Variants in TRDN observed in about 807,000 individuals in gnomAD.
TRDN encodes triadin, also known as triadin in skeletal muscle.
TRDN carries 161 observed loss-of-function variants against 149.7 expected under a neutral mutation model. That is an observed-to-expected ratio of 1.08 (90% CI 0.95 to 1.23). The LOEUF is 1.23. Ranked by LOEUF, TRDN falls within the 50% of genes most tolerant of loss-of-function variation. The pLI is 0.00. For missense variants in TRDN, 896 were observed against 823.5 expected (o/e 1.09, Z -1.08); for synonymous variants, 294 against 250.5 (o/e 1.17, Z -1.64).
chr6:123,504,000 G>T, intron 7 of TRDN, 99 bp from the exon 8 acceptor site: 1 of 1,310,308 alleles, frequency 7.6e-7, no homozygotes, highest in Non-Finnish European at 1.0e-6. Flanking sequence ...AAGAAAGAGG[G>T]AAGAAAGGTA....
intron 2 of TRDN, among the ~76,000 whole-genome samples, chr6:123,563,340 T>C (rs1782100543): frequency 6.6e-6 from 1 of 152,214 alleles, no homozygotes; most frequent in Non-Finnish European, 1.5e-5. Flanking sequence ...GGGCACTTTA[T>C]ATTTCAAAGC....
intron 1 of TRDN, among the ~76,000 whole-genome samples, chr6:123,591,119 A>G (rs1239032834): frequency 9.2e-5 from 14 of 152,198 alleles, no homozygotes; most frequent in Non-Finnish European, 1.5e-5. Flanking sequence ...TGTGTAGAAA[A>G]CAAATCCATA....
At chr6:123,316,564 G>T in intron 23 of TRDN, 69 bp from the exon 24 acceptor site, 2 of 1,393,934 alleles carry the variant, frequency 1.4e-6, no homozygotes, top group Non-Finnish European at 2.0e-6. Context: ...AAAATAGTCA[G>T]TACAAAGTGG....
intron 32 of TRDN, among the ~76,000 whole-genome samples, chr6:123,266,068 T>C (rs913372306): frequency 7.3e-6 from 1 of 137,250 alleles, no homozygotes; most frequent in African/African-American, 2.7e-5. Context: ...TTTTTGTAGA[T>C]ACATTTTGTG....
chr6:123,516,658 T>G (rs1263054671), intron 5 of TRDN, among the ~76,000 whole-genome samples: 4 of 152,128 alleles, frequency 2.6e-5, no homozygotes, highest in Admixed American at 2.6e-4. Context: ...AGAAACATTC[T>G]ACACTAAATG....
chr6:123,400,926 A>T (rs1208014664), intron 12 of TRDN, among the ~76,000 whole-genome samples: 2 of 152,210 alleles, frequency 1.3e-5, no homozygotes, highest in Non-Finnish European at 2.9e-5. Context: ...ACGTAATAAG[A>T]ATAGTGGAAA....
Position 123,497,205 on chromosome 6 carries a change from C to A in TRDN, c.841G>T (p.Asp281Tyr). 2 of 1,554,282 alleles carry A rather than the reference C, an allele frequency of 1.3e-6. No individual in the cohort carries two copies. Among genetic ancestry groups the A allele is most frequent in the Non-Finnish European group, 1.7e-6 (2 of 1,151,172 alleles). The change falls in exon 9 of 41, where the codon GAT becomes TAT. Residue 281 changes from aspartate to tyrosine, a missense_variant. Coordinates refer to ENST00000334268, the MANE Select transcript of TRDN (RefSeq NM_006073.4). ...RYMIDIFVHGDLKPGQSPAIP... is the reference protein window; with the variant it reads ...RYMIDIFVHGYLKPGQSPAIP... ...TTGCTTGGAATACCTGGTTTTAAATCCCCATGGACAAATATGTCAATCATA... is the reference window on the plus strand; with the variant it reads ...TTGCTTGGAATACCTGGTTTTAAATACCCATGGACAAATATGTCAATCATA...
intron 37 of TRDN, among the ~76,000 whole-genome samples, chr6:123,253,844 G>A (rs1776461743): frequency 6.6e-6 from 1 of 152,058 alleles, no homozygotes; most frequent in South Asian, 2.1e-4. Flanking sequence ...TCCCTTGGGG[G>A]CAAATTGGGA....
At chr6:123,268,753 C>A (rs936373529) in intron 31 of TRDN, among the ~76,000 whole-genome samples, 1 of 151,972 alleles carries the variant, frequency 6.6e-6, no homozygotes, top group Non-Finnish European at 1.5e-5. Flanking sequence ...CAAGAATAAA[C>A]TTCCATGAAC....
chr6:123,561,778 T>C (rs1583248778), intron 2 of TRDN, among the ~76,000 whole-genome samples: 2 of 152,110 alleles, frequency 1.3e-5, no homozygotes, highest in South Asian at 4.1e-4. Context: ...TCCTTCAGCT[T>C]AATCTCTCCC....
intron 5 of TRDN, among the ~76,000 whole-genome samples, chr6:123,525,550 T>C (rs1175842801): frequency 3.9e-5 from 6 of 151,980 alleles, no homozygotes; most frequent in East Asian, 1.9e-4. Flanking sequence ...AATGGGGAGA[T>C]TGGAATGGGA....
At chr6:123,298,659 C>A (rs958244582) in intron 24 of TRDN, among the ~76,000 whole-genome samples, 1 of 152,004 alleles carries the variant, frequency 6.6e-6, no homozygotes, top group African/African-American at 2.4e-5. Flanking sequence ...AAACAAGTGA[C>A]AACACCATAT....
chr6:123,483,071 TA>T (rs1168052028), intron 9 of TRDN, among the ~76,000 whole-genome samples: 1 of 37,136 alleles, frequency 2.7e-5, no homozygotes, highest in African/African-American at 1.4e-4. Flanking sequence ...TCTCATTTAT[TA>T]TTATTATTAT....
intron 24 of TRDN, among the ~76,000 whole-genome samples, chr6:123,312,717 C>T (rs988899340): frequency 5.3e-5 from 8 of 151,958 alleles, no homozygotes; most frequent in African/African-American, 1.7e-4. Context: ...ATTAAGTTTT[C>T]GCTTACTGCT....
chr6:123,392,389 T>C (rs1187866715), intron 13 of TRDN, among the ~76,000 whole-genome samples: 1 of 152,024 alleles, frequency 6.6e-6, no homozygotes, highest in East Asian at 1.9e-4. Context: ...GTTCCACATC[T>C]ACACTATGGT....
chr6:123,411,478 T>C (rs1773440535), intron 12 of TRDN, among the ~76,000 whole-genome samples: 1 of 152,056 alleles, frequency 6.6e-6, no homozygotes, highest in Admixed American at 6.5e-5. Flanking sequence ...TATGACCTAG[T>C]TGGAAAGTTT....
At chr6:123,219,899 C>T (rs1008100788) in intron 40 of TRDN, among the ~76,000 whole-genome samples, 3 of 151,732 alleles carry the variant, frequency 2.0e-5, no homozygotes, top group African/African-American at 7.3e-5. Flanking sequence ...AGTAGAAGGG[C>T]CCATCAATGA....
intron 21 of TRDN, among the ~76,000 whole-genome samples, chr6:123,347,981 C>T (rs950090475): frequency 1.3e-5 from 2 of 152,106 alleles, no homozygotes; most frequent in Middle Eastern, 3.4e-3. Context: ...AAGTTGTAAG[C>T]GCTAACTCCA....
intron 7 of TRDN, among the ~76,000 whole-genome samples, chr6:123,508,849 A>C (rs1779042036): frequency 6.6e-6 from 1 of 152,166 alleles, no homozygotes; most frequent in South Asian, 2.1e-4. Context: ...CACCTTTCAA[A>C]GATACTTTAT....
Sources: allele counts gnomAD v4.1 joint callset (sites outside exome capture counted in the v4.1 genomes callset), GRCh38; gene constraint gnomAD v4.1.1; transcripts MANE v1.5; gene names NCBI Gene and HGNC (gene_info 2026-07-23, HGNC 2026-07-21).